SNTG1: variants seen among roughly 807,000 people sequenced by gnomAD.
SNTG1 encodes the protein gamma-1-syntrophin.
SNTG1 carries 39 observed loss-of-function variants against 74.7 expected under a neutral mutation model. The observed-to-expected ratio is 0.52, with a 90% CI of 0.40 to 0.68. The LOEUF is 0.68. Ranked by LOEUF, SNTG1 falls within the 30% of genes least tolerant of loss-of-function variation. SNTG1 has a pLI of 0.00. For synonymous variants in SNTG1, 254 were observed against 217.1 expected, an observed-to-expected ratio of 1.17 and a Z score of -1.49; for missense variants, 685 against 609.5, an observed-to-expected ratio of 1.12 and a Z score of -1.30.
intron 15 of SNTG1, among the ~76,000 whole-genome samples, chr8:50,682,040 G>T (rs1352897813): frequency 1.3e-5 from 2 of 152,176 alleles, no homozygotes; most frequent in African/African-American, 4.8e-5. Flanking sequence ...TGTGACACTG[G>T]TGTTAGAAAC....
At chr8:50,302,172 A>G (rs2089680905) in intron 2 of SNTG1, among the ~76,000 whole-genome samples, 1 of 152,092 alleles carries the variant, frequency 6.6e-6, no homozygotes, top group South Asian at 2.1e-4. Flanking sequence ...CGGTGTGTGG[A>G]TTGGGGAACA....
At chr8:50,582,952 T>C (rs10105436) in intron 12 of SNTG1, among the ~76,000 whole-genome samples, 30,976 of 152,070 alleles carry the variant, frequency 0.2, 5,330 homozygotes, top group African/African-American at 0.47. Flanking sequence ...CCAATGAGTT[T>C]CCTTATCACA....
At chr8:50,240,131 T>C (rs1295045508) in intron 2 of SNTG1, among the ~76,000 whole-genome samples, 1 of 152,230 alleles carries the variant, frequency 6.6e-6, no homozygotes, top group Non-Finnish European at 1.5e-5. Flanking sequence ...AGCTCATTAA[T>C]ATGCCTGTTA....
intron 1 of SNTG1, among the ~76,000 whole-genome samples, chr8:49,994,639 C>T (rs1033332996): frequency 6.6e-6 from 1 of 151,812 alleles, no homozygotes; most frequent in Non-Finnish European, 1.5e-5. Context: ...AATACGGATT[C>T]ATGGCTAAAA....
chr8:49,961,212 A>T (rs1457225704), intron 1 of SNTG1, among the ~76,000 whole-genome samples: 8 of 152,204 alleles, frequency 5.3e-5, no homozygotes, highest in Non-Finnish European at 1.2e-4. Context: ...CCACTTTAAA[A>T]TAAATTTCTA....
intron 2 of SNTG1, among the ~76,000 whole-genome samples, chr8:50,231,817 T>C (rs78425117): frequency 0.016 from 2,354 of 151,450 alleles, 48 homozygotes; most frequent in African/African-American, 0.044. Flanking sequence ...TGCTGAATAT[T>C]GTTAATAACT....
chr8:50,497,161 A>G (rs1257648350), intron 8 of SNTG1, among the ~76,000 whole-genome samples: 1 of 151,982 alleles, frequency 6.6e-6, no homozygotes, highest in Non-Finnish European at 1.5e-5. Context: ...TAACGTTCTT[A>G]TATTTTTCAC....
At chr8:50,646,919 G>T (rs535399015) in intron 13 of SNTG1, among the ~76,000 whole-genome samples, 1 of 152,074 alleles carries the variant, frequency 6.6e-6, no homozygotes, top group African/African-American at 2.4e-5. Context: ...AGTCAAACAA[G>T]TATAGTTAAT....
At chr8:50,050,235 C>T (rs2130871867) in intron 1 of SNTG1, among the ~76,000 whole-genome samples, 1 of 151,598 alleles carries the variant, frequency 6.6e-6, no homozygotes, top group Middle Eastern at 3.4e-3. Flanking sequence ...AGAGAAGACA[C>T]AAATTATTAA....
At chr8:49,943,548 T>C (rs1808887707) in intron 1 of SNTG1, among the ~76,000 whole-genome samples, 1 of 152,272 alleles carries the variant, frequency 6.6e-6, no homozygotes. Flanking sequence ...AGGATCTTTT[T>C]GTCTGAAGGC....
At chr8:50,713,455 C>A (rs1459342728) in intron 17 of SNTG1, among the ~76,000 whole-genome samples, 1 of 152,000 alleles carries the variant, frequency 6.6e-6, no homozygotes, top group Non-Finnish European at 1.5e-5. Flanking sequence ...TATAGGTTGC[C>A]TGTTCACTCT....
chr8:50,527,015 C>CA (rs1284648486), intron 9 of SNTG1, among the ~76,000 whole-genome samples: 1 of 152,104 alleles, frequency 6.6e-6, no homozygotes, highest in Non-Finnish European at 1.5e-5. Flanking sequence ...ATTTGATGCT[C>CA]AAATATTTCT....
At chr8:50,162,550 ACT>A (rs1372554991) in intron 1 of SNTG1, among the ~76,000 whole-genome samples, 3 of 135,586 alleles carry the variant, frequency 2.2e-5, no homozygotes, top group African/African-American at 8.5e-5. Flanking sequence ...CGACAGCAAG[ACT>A]CTGTCTCAAA....
chr8:50,200,088 A>G (rs2083928895), intron 2 of SNTG1, among the ~76,000 whole-genome samples: 4 of 152,164 alleles, frequency 2.6e-5, no homozygotes, highest in Admixed American at 1.3e-4. Context: ...ATGTGACATA[A>G]TAACAGCAAA....
At chr8:50,455,934 T>C (rs796554951) in intron 8 of SNTG1, among the ~76,000 whole-genome samples, 23 of 152,312 alleles carry the variant, frequency 1.5e-4, no homozygotes, top group African/African-American at 5.5e-4. Flanking sequence ...TACTGGATAG[T>C]TTTTCTTTGA....
chr8:50,110,006 ACT>A (rs1183227283), intron 1 of SNTG1, among the ~76,000 whole-genome samples: 2 of 151,446 alleles, frequency 1.3e-5, no homozygotes, highest in Non-Finnish European at 2.9e-5. Flanking sequence ...ATTCTCTCTT[ACT>A]CTCTGTTGAT....
At chr8:50,506,468 G>T (rs1212750438) in intron 9 of SNTG1, among the ~76,000 whole-genome samples, 1 of 151,980 alleles carries the variant, frequency 6.6e-6, no homozygotes, top group African/African-American at 2.4e-5. Context: ...AATTCTTCCA[G>T]TGTATCAGCA....
chr8:50,100,434 C>T (rs1017565382), intron 1 of SNTG1, among the ~76,000 whole-genome samples: 7 of 151,888 alleles, frequency 4.6e-5, no homozygotes, highest in Non-Finnish European at 7.4e-5. Context: ...TTTGAATATT[C>T]GCAACACAAA....
intron 12 of SNTG1, among the ~76,000 whole-genome samples, chr8:50,564,074 C>T (rs923398650): frequency 6.6e-6 from 1 of 151,704 alleles, no homozygotes; most frequent in African/African-American, 2.4e-5. Flanking sequence ...ATTCAACTTT[C>T]TCTTCCTCCA....
Sources: gnomAD v4.1 joint callset for allele counts (sites outside exome capture counted in the v4.1 genomes callset) on GRCh38, gnomAD v4.1.1 for gene constraint, MANE v1.5 for transcripts, NCBI Gene and HGNC (gene_info 2026-07-23, HGNC 2026-07-21) for gene names.